The following SRCIN1 variants were observed in gnomAD, a reference collection of about 807,000 sequenced individuals.
SRCIN1 encodes P130Cas-associated protein.
SRCIN1 carries 50 observed loss-of-function variants against 116.2 expected under a neutral mutation model. The observed-to-expected ratio is 0.43, with a 90% CI of 0.34 to 0.54. The LOEUF is 0.54. SRCIN1 is among the 20% of genes least tolerant of loss of function. The probability of loss-of-function intolerance (pLI) is 0.02; values close to 1 mark genes in which losing one functional copy is unlikely to be tolerated. For missense variants in SRCIN1, 1,446 were observed against 1,672.0 expected (o/e 0.86, Z 2.36); for synonymous variants, 736 against 750.0 (o/e 0.98, Z 0.30).
intron 1 of SRCIN1, among the ~76,000 whole-genome samples, chr17:38,598,666 C>A (rs1365280976): frequency 6.6e-6 from 1 of 152,190 alleles, no homozygotes; most frequent in Non-Finnish European, 1.5e-5. Flanking sequence ...CAACTCCCTT[C>A]CAGTCTTGGG....
intron 18 of SRCIN1, among the ~76,000 whole-genome samples, chr17:38,534,891 G>A (rs2040978021): frequency 6.6e-6 from 1 of 152,180 alleles, no homozygotes; most frequent in Admixed American, 6.6e-5. Context: ...ACTTCAGGAG[G>A]CTGAGGCAGG....
Position 38,533,109 on chromosome 17 carries a change from A to AAAC in SRCIN1, c.*187_*188insGTT, listed in dbSNP as rs2040946499. 2 of 471,292 alleles carry AAAC rather than the reference A, an allele frequency of 4.2e-6. No homozygotes were observed. The highest frequency in any genetic ancestry group is 4.2e-5 in the African/African-American group (2 of 47,474). 29.2% of individuals were successfully genotyped at this position (471,292 alleles called of 1,614,324 possible). On this transcript the variant is annotated 3_prime_UTR_variant, in exon 19 of 19. Coordinates refer to ENST00000617146, the MANE Select transcript of SRCIN1 (RefSeq NM_025248.3). ...AAGTTAATTGTTAAAAAAAAAAAAA[A>AAAC]AAACAAAACCAAAAACACCAACAGA...
intron 2 of SRCIN1, among the ~76,000 whole-genome samples, chr17:38,577,547 G>C (rs1406753478): frequency 6.6e-6 from 1 of 152,156 alleles, no homozygotes; most frequent in Non-Finnish European, 1.5e-5. Flanking sequence ...GGGAGACAGG[G>C]ACTGACACAC....
Position 38,562,025 on chromosome 17 carries a change from G to C in SRCIN1, c.1138C>G (p.Leu380Val), listed in dbSNP as rs1232619795. ...ACCATGCCGCCCGCCTTGCTCGCCA[G>C]GTCCTCGTCCGGCTTCACGTCGCGC... ...ERRDVKPDEDLASKAGGMVLV... is the reference protein window; with the variant it reads ...ERRDVKPDEDVASKAGGMVLV... Residue 380 changes from leucine (L) to valine (V), a missense_variant, in exon 7 of 19, where the codon CTG becomes GTG. Around this residue, in one of 5 missense-constraint regions of SRCIN1, gnomAD observed 239 missense variants for 317.7 expected, o/e 0.75. Transcript: ENST00000617146. This position sits in a 1 kb window ranked among gnomAD's most constrained non-coding sequence, Gnocchi z 4.2. 1.0e-5 allele frequency: 15 copies of C among 1,492,434 alleles called. No individual in the cohort carries two copies. The East Asian group carries it at 3.7e-4, about 37-fold the overall frequency. 92.4% of individuals were successfully genotyped at this position (1,492,434 alleles called of 1,614,324 possible).
chr17:38,548,616 T>C lies in SRCIN1; in HGVS notation c.3211A>G (p.Ile1071Val), dbSNP rs987632525. The change falls in exon 17 of 19, where the codon ATC (isoleucine) becomes GTC (valine). Residue 1071 changes from isoleucine (I) to valine (V), a missense_variant. Physicochemically the swap from Ile to Val is conservative, Grantham distance 29. This residue lies in a region of SRCIN1 where 531 missense variants were observed against 633.9 expected (regional missense o/e 0.84). Transcript: ENST00000617146. ...EVARPASTPP[I>V]MASAIKDEDD... ...TCGTCCTTGATGGCCGAGGCCATGATGGGTGGTGTGGAGGCTGGGCGGGCC... is the reference window on the plus strand; with the variant it reads ...TCGTCCTTGATGGCCGAGGCCATGACGGGTGGTGTGGAGGCTGGGCGGGCC... 2 of 1,613,210 alleles carry C rather than the reference T, an allele frequency of 1.2e-6. No individual in the cohort carries two copies. Among genetic ancestry groups the C allele is most frequent in the Admixed American group, 1.7e-5 (1 of 60,014 alleles).
intron 2 of SRCIN1, among the ~76,000 whole-genome samples, chr17:38,574,391 T>C (rs999855620): frequency 2.6e-5 from 4 of 152,044 alleles, no homozygotes; most frequent in African/African-American, 7.2e-5. Context: ...CAAGTCTTCT[T>C]AAAAATTAGA....
chr17:38,550,465 G>A (rs552084925), intron 15 of SRCIN1, among the ~76,000 whole-genome samples: 6 of 152,250 alleles, frequency 3.9e-5, no homozygotes, highest in Non-Finnish European at 7.4e-5. Flanking sequence ...CTGCACTCCA[G>A]CCTGGGCGAC....
chr17:38,552,803 G>A lies in SRCIN1; in HGVS notation c.2254C>T (p.Arg752Trp), dbSNP rs756518303. Residue 752 changes from arginine (R) to tryptophan (W), a missense_variant, in exon 12 of 19, where the codon CGG becomes TGG. Arg to Trp is a moderately radical substitution (Grantham distance 101). Around this residue, in one of 5 missense-constraint regions of SRCIN1, gnomAD observed 531 missense variants for 633.9 expected, o/e 0.84. Coordinates refer to ENST00000617146, the MANE Select transcript of SRCIN1 (RefSeq NM_025248.3). The surrounding 1 kb of genome is among the most constrained non-coding windows in gnomAD (Gnocchi z 5.3). The part of the protein sequence containing the change: ...KIQRDVSHNH[R>W]LVPGPELEEK... ...TCCAGCTCAGGGCCGGGCACCAGCC[G>A]GTGGTTGTGGGACACGTCTCTCTGG... The A allele has an allele frequency of 1.9e-5, 30 of 1,613,880 alleles. No individual in the cohort carries two copies. The highest frequency in any genetic ancestry group is 1.6e-4 in the Middle Eastern group (1 of 6,084).
At chr17:38,603,465 G>C (rs904380148) in intron 1 of SRCIN1, among the ~76,000 whole-genome samples, 1 of 152,126 alleles carries the variant, frequency 6.6e-6, no homozygotes, top group Non-Finnish European at 1.5e-5. Flanking sequence ...TCTCCACTCA[G>C]CACTCCCCGA....
intron 15 of SRCIN1, among the ~76,000 whole-genome samples, 195 bp downstream of exon 15, chr17:38,550,960 G>A (rs901549306): frequency 2.0e-5 from 3 of 152,246 alleles, no homozygotes; most frequent in African/African-American, 7.2e-5. Context: ...GGGAAATGCC[G>A]GGATGGAGTC....
intron 2 of SRCIN1, among the ~76,000 whole-genome samples, chr17:38,576,408 CT>C (rs1418383669): frequency 6.6e-6 from 1 of 152,176 alleles, no homozygotes; most frequent in Non-Finnish European, 1.5e-5. Flanking sequence ...GTCCAGGGGC[CT>C]TTTTTCCCCT....
At chr17:38,600,501 T>C (rs538043144) in intron 1 of SRCIN1, among the ~76,000 whole-genome samples, 1 of 152,344 alleles carries the variant, frequency 6.6e-6, no homozygotes, top group Non-Finnish European at 1.5e-5. Context: ...TGACCATCTC[T>C]GAGGCCCAGG....
rs1269192016 is a variant in SRCIN1, at chr17:38,551,203, C to T, written c.2914G>A (p.Gly972Ser). ...TCCGTTCGGGGGGCTGCCTTCTGGC[C>T]GTGGGGGGCCTTGGGGGGCTTGTGA... ...PDHKPPKAPHGQKAAPRTEPS... is the reference protein window; with the variant it reads ...PDHKPPKAPHSQKAAPRTEPS... Residue 972 changes from glycine to serine, a missense_variant, in exon 15 of 19, where the codon GGC becomes AGC. Gly to Ser is a moderately conservative substitution (Grantham distance 56). Coordinates refer to ENST00000617146, the MANE Select transcript of SRCIN1 (RefSeq NM_025248.3). 15 of 1,596,522 alleles carry T rather than the reference C, an allele frequency of 9.4e-6. No individual in the cohort carries two copies. Among genetic ancestry groups the T allele is most frequent in the East Asian group, 2.2e-5 (1 of 44,600 alleles).
Position 38,561,839 on chromosome 17 carries a change from C to G in SRCIN1, c.1324G>C (p.Ala442Pro). 1 of 1,474,070 alleles carries G rather than the reference C, an allele frequency of 6.8e-7. No individual in the cohort carries two copies. The allele number at this position is 1,474,070 out of a possible 1,614,324, so 91.3% of individuals were successfully genotyped here. A position where few individuals can be genotyped will look rare whatever the true frequency, so the allele number is the denominator to read the frequency against. Residue 442 changes from alanine (A) to proline (P), a missense_variant, in exon 7 of 19, where the codon GCG becomes CCG. Around this residue, in one of 5 missense-constraint regions of SRCIN1, gnomAD observed 398 missense variants for 385.6 expected, o/e 1.03. Coordinates refer to ENST00000617146, the MANE Select transcript of SRCIN1 (RefSeq NM_025248.3). ...VRSLSTYSAA[A>P]LQSDLEDSLY... ...GAGTCCTCCAGATCGGACTGCAGCG[C>G]GGCGGCCGAGTAGGTGCTGAGCGAG...
At chr17:38,533,761 T>C (rs992946248) in intron 18 of SRCIN1, among the ~76,000 whole-genome samples, 3 of 5,848 alleles carry the variant, frequency 5.1e-4, no homozygotes, top group Admixed American at 1.9e-3. Flanking sequence ...GAGGTGGGGG[T>C]GGGGGAGGGC....
chr17:38,546,234 C>T lies in SRCIN1; in HGVS notation c.3271-2265G>A, dbSNP rs143220236. Reference sequence around the variant, plus strand: ...CTCACCTTCAGTGCCTACCTTAACCCGGGAAGTGACTGCTGCTCTCACCAG... The same window carrying T: ...CTCACCTTCAGTGCCTACCTTAACCTGGGAAGTGACTGCTGCTCTCACCAG... On this transcript the variant is annotated intron_variant, in intron 17 of 18. Coordinates refer to ENST00000617146, the MANE Select transcript of SRCIN1 (RefSeq NM_025248.3). Among the ~76,000 whole-genome samples the T allele has an allele frequency of 4.5e-3, 681 of 152,330 alleles. 9 individuals are homozygous for T. The highest frequency in any genetic ancestry group is 0.015 in the African/African-American group (637 of 41,570).
rs1464180756 is a variant in SRCIN1, at chr17:38,574,792, A to T, written c.324+3698T>A. 36 of 399,976 alleles carry T rather than the reference A, an allele frequency of 9.0e-5. No individual in the cohort carries two copies. The Middle Eastern group carries it at 9.9e-4, about 11-fold the overall frequency. The allele number at this position is 399,976 out of a possible 1,614,324, so 24.8% of individuals were successfully genotyped here. On this transcript the variant is annotated intron_variant, in intron 2 of 18. Coordinates refer to ENST00000617146, the MANE Select transcript of SRCIN1 (RefSeq NM_025248.3). ...AGGTTGCAAAATAAAAGTCCTGAAC[A>T]TCCCCCCTCCAAAAAAAAAAAATCC...
intron 11 of SRCIN1, among the ~76,000 whole-genome samples, chr17:38,556,664 CAGA>C (rs532203849): frequency 5.3e-4 from 80 of 152,208 alleles, no homozygotes; most frequent in Non-Finnish European, 1.0e-3. Context: ...CTGCCCAACC[CAGA>C]AGAAGCAGGA....
At position 38,568,364 on chromosome 17, in the gene SRCIN1, A is replaced by G. The variant is rs1906855520; in HGVS notation, c.325-133T>C. ...AAGGGCCCTCCACCCTCCCAGGAGC[A>G]GGAATGAAGTCATGCCTGGTACATC... On this transcript the variant is annotated intron_variant, in intron 2 of 18. Coordinates refer to ENST00000617146, the MANE Select transcript of SRCIN1 (RefSeq NM_025248.3). The surrounding 1 kb of genome is among the most constrained non-coding windows in gnomAD (Gnocchi z 4.5). 2.5e-5 allele frequency: 21 copies of G among 832,422 alleles called. No individual in the cohort carries two copies. In the East Asian group the frequency reaches 5.5e-4, roughly 22 times the overall value. 51.6% of individuals were successfully genotyped at this position (832,422 alleles called of 1,614,324 possible). A position where few individuals can be genotyped will look rare whatever the true frequency, so the allele number is the denominator to read the frequency against.
Sources: gnomAD v4.1 joint callset for allele counts (sites outside exome capture counted in the v4.1 genomes callset) on GRCh38, gnomAD v4.1.1 for gene constraint, gnomAD v4.1.1 regional missense constraint, Gnocchi (gnomAD v3.1) non-coding constraint, MANE v1.5 for transcripts, NCBI Gene and HGNC (gene_info 2026-07-23, HGNC 2026-07-21) for gene names.